The following LCP1 variants were observed in gnomAD, a reference collection of about 807,000 sequenced individuals.
The protein encoded by LCP1 is lymphocyte cytosolic protein 1.
LCP1 carries 23 observed loss-of-function variants against 72.0 expected under a neutral mutation model. The ratio of observed to expected loss-of-function variants is 0.32; its 90% CI spans 0.23 to 0.45. LCP1 has a LOEUF of 0.45. LCP1 is among the 20% of genes least tolerant of loss of function. LCP1 has a pLI of 1.00. For missense variants in LCP1, 571 were observed against 748.3 expected (o/e 0.76, Z 2.76); for synonymous variants, 245 against 275.4 (o/e 0.89, Z 1.09).
chr13:46,163,480 C>T (rs564848547), intron 1 of LCP1, among the ~76,000 whole-genome samples: 6 of 152,114 alleles, frequency 3.9e-5, no homozygotes, highest in South Asian at 2.1e-4. Flanking sequence ...TCTCAAGTAC[C>T]CAGGGACACA....
chr13:46,146,184 G>A (rs1228005806), intron 10 of LCP1, among the ~76,000 whole-genome samples: 1 of 152,050 alleles, frequency 6.6e-6, no homozygotes, highest in African/African-American at 2.4e-5. Context: ...CAGGAGTGTT[G>A]GAGCACGATT....
rs1290337419 is a variant in LCP1, at chr13:46,148,848, A to G, written c.883-401T>C. ...AAAAAAAGTGACAGAAAAAGGAAGC[A>G]CAAGTTTAAAGCGAGTTTAAAATAC... On this transcript the variant is annotated intron_variant, in intron 8 of 15. Transcript: ENST00000323076. 3 of 875,900 alleles carry G rather than the reference A, an allele frequency of 3.4e-6. No homozygotes were observed. In the East Asian group the frequency reaches 3.6e-4, roughly 106 times the overall value. 54.3% of individuals were successfully genotyped at this position (875,900 alleles called of 1,614,324 possible).
In LCP1 at chr13:46,157,839, T is replaced by C. The variant is rs138392820; in HGVS notation, c.358+683A>G. On this transcript the variant is annotated intron_variant, in intron 4 of 15. Coordinates refer to ENST00000323076, the MANE Select transcript of LCP1 (RefSeq NM_002298.5). ...TCGGCTCACTGCAACCTCTGCCTCCTGGGCTCAAGCGATTCTCCTGTCTCA... is the reference window on the plus strand; with the variant it reads ...TCGGCTCACTGCAACCTCTGCCTCCCGGGCTCAAGCGATTCTCCTGTCTCA... Among the ~76,000 whole-genome samples the C allele has an allele frequency of 6.5e-3, 959 of 148,682 alleles. 5 individuals carry two copies. Among genetic ancestry groups the C allele is most frequent in the African/African-American group, 0.022 (865 of 40,164 alleles).
intron 1 of LCP1, among the ~76,000 whole-genome samples, chr13:46,175,982 G>T (rs564248418): frequency 6.6e-6 from 1 of 152,264 alleles, no homozygotes; most frequent in African/African-American, 2.4e-5. Flanking sequence ...AGGGTGATAT[G>T]AGCAGATGAT....
intron 1 of LCP1, among the ~76,000 whole-genome samples, chr13:46,179,150 CTGTT>C (rs1222748825): frequency 6.6e-6 from 1 of 152,168 alleles, no homozygotes; most frequent in African/African-American, 2.4e-5. Flanking sequence ...GTAATTTTCC[CTGTT>C]TGTTAGTCAT....
At chr13:46,158,420 A>G (rs893076684) in intron 4 of LCP1, 102 bp downstream of exon 4, 33 of 1,344,380 alleles carry the variant, frequency 2.5e-5, no homozygotes, top group Admixed American at 4.4e-5. Flanking sequence ...TCATCCATAA[A>G]GCTGTGTTTG....
Position 46,140,340 on chromosome 13 carries a change from G to T in LCP1, c.1502+1952C>A, listed in dbSNP as rs553172058. ...ATGAGCCACGAGAGCAATCCTTGGG[G>T]CTCACACAAGGCTGGAAAAATTTGT... On this transcript the variant is annotated intron_variant, in intron 13 of 15. Transcript: ENST00000323076. 5.9e-5 allele frequency among the ~76,000 whole-genome samples: 9 copies of T among 152,260 alleles called. 1 individual carries two copies. Among genetic ancestry groups the T allele is most frequent in the African/African-American group, 2.2e-4 (9 of 41,546 alleles).
At position 46,134,199 on chromosome 13, in the gene LCP1, A is replaced by G. The variant is rs1252171017; in HGVS notation, c.1554T>C (p.Asp518=). The G allele has an allele frequency of 4.3e-6, 7 of 1,613,162 alleles. No homozygotes were observed. In the Admixed American group the frequency reaches 1.2e-4, roughly 27 times the overall value. Residue 518 remains aspartate, a synonymous_variant, in exon 14 of 16, where the codon GAT becomes GAC. Coordinates refer to ENST00000323076, the MANE Select transcript of LCP1 (RefSeq NM_002298.5). ...EEIGGGQKVN[D]DIIVNWVNET... ...CATTCACCCAGTTGACAATAATGTC[A>G]TCATTGACCTTCTGGCCACCACCAA... is the stretch of plus-strand genomic sequence containing the variant.
At chr13:46,157,267 T>TAC (rs2045808785) in intron 4 of LCP1, among the ~76,000 whole-genome samples, 3 of 151,822 alleles carry the variant, frequency 2.0e-5, no homozygotes, top group South Asian at 2.1e-4. Flanking sequence ...CATATATATA[T>TAC]ACACATATAA....
intron 13 of LCP1, among the ~76,000 whole-genome samples, chr13:46,140,797 T>C (rs1218920905): frequency 2.6e-5 from 4 of 152,178 alleles, no homozygotes; most frequent in African/African-American, 9.7e-5. Flanking sequence ...ATGGAAACTA[T>C]AATGTCCAGG....
rs557575124 is a variant in LCP1, at chr13:46,129,539, T to C, written c.1751+1275A>G. 2.0e-5 allele frequency among the ~76,000 whole-genome samples: 3 copies of C among 152,298 alleles called. No individual in the cohort carries two copies. The South Asian group carries it at 6.2e-4, about 32-fold the overall frequency. ...TTCCTATCCCTTCAGGGATGCCTCA[T>C]ACTGTCCCTTCCACACCTCTCATCA... is the stretch of plus-strand genomic sequence containing the variant. On this transcript the variant is annotated intron_variant, in intron 15 of 15. Coordinates refer to ENST00000323076, the MANE Select transcript of LCP1 (RefSeq NM_002298.5).
intron 7 of LCP1, among the ~76,000 whole-genome samples, chr13:46,151,438 G>A (rs568214185): frequency 4.3e-4 from 66 of 152,230 alleles, no homozygotes; most frequent in African/African-American, 1.5e-3. Flanking sequence ...CAACATTTTT[G>A]CTTTTAAGAG....
chr13:46,158,426 G>T, intron 4 of LCP1, 96 bp downstream of exon 4: 1 of 1,413,946 alleles, frequency 7.1e-7, no homozygotes, highest in Non-Finnish European at 9.7e-7. Context: ...ATAAAGCTGT[G>T]TTTGCTTCTG....
chr13:46,149,820 A>G (rs982997956), intron 8 of LCP1, among the ~76,000 whole-genome samples: 1 of 152,228 alleles, frequency 6.6e-6, no homozygotes, highest in African/African-American at 2.4e-5. Context: ...TTTTGTCTGA[A>G]AAGTTTTGCA....
intron 5 of LCP1, among the ~76,000 whole-genome samples, chr13:46,155,471 A>AT (rs1471515971): frequency 3.9e-5 from 6 of 152,130 alleles, no homozygotes; most frequent in Admixed American, 2.6e-4. Flanking sequence ...TAGAATTTTG[A>AT]TTTTTTTATA....
In LCP1 at chr13:46,134,128, T is replaced by C; in HGVS notation, c.1625A>G (p.Lys542Arg). ...AKKSSSISSF[K>R]DPKISTSLPV... ...CTAGCAGAAGACAAAGAATTTTACC[T>C]TGAAACTAGAGATGGATGAACTTTT... The change falls in exon 14 of 16, where the codon AAG becomes AGG. Residue 542 changes from lysine to arginine, a missense_variant and splice_region_variant. Transcript: ENST00000323076. The C allele has an allele frequency of 6.2e-7, 1 of 1,613,510 alleles. No individual in the cohort carries two copies. The highest frequency in any genetic ancestry group is 1.7e-5 in the Admixed American group (1 of 60,022).
chr13:46,173,030 C>T (rs367882751), intron 1 of LCP1, among the ~76,000 whole-genome samples: 2 of 152,272 alleles, frequency 1.3e-5, no homozygotes, highest in East Asian at 1.9e-4. Context: ...ATTTAAAAAA[C>T]CTTTGAGATG....
In LCP1 at chr13:46,156,446, A is replaced by G. The variant is rs773271067; in HGVS notation, c.483T>C (p.Ile161=). The G allele has an allele frequency of 1.2e-6, 2 of 1,613,764 alleles. No homozygotes were observed. Residue 161 remains isoleucine, a synonymous_variant, in exon 5 of 16, where the codon ATT becomes ATC. Coordinates refer to ENST00000323076, the MANE Select transcript of LCP1 (RefSeq NM_002298.5). ...AAAGAAGTATTATTTACCAAAGGAC[A>G]ATGCCATCTCCAACAGCATTAAAGA... The part of the protein sequence containing the change: ...NDLFNAVGDG[I]VLCKMINLSV...
intron 2 of LCP1, 57 bp from the exon 3 acceptor site, chr13:46,159,046 G>A (rs1023184319): frequency 6.5e-7 from 1 of 1,539,392 alleles, no homozygotes. Flanking sequence ...AGCTTTTAGA[G>A]AGGTGAGGGA....
Sources: gnomAD v4.1 joint callset for allele counts (sites outside exome capture counted in the v4.1 genomes callset) on GRCh38, gnomAD v4.1.1 for gene constraint, MANE v1.5 for transcripts, NCBI Gene and HGNC (gene_info 2026-07-23, HGNC 2026-07-21) for gene names.